FGL1: variants seen among roughly 807,000 people sequenced by gnomAD.
FGL1 encodes fibrinogen like 1.
In FGL1, 59 loss-of-function variants were observed where a neutral mutation model predicts 43.7. The observed-to-expected ratio is 1.35, with a 90% confidence interval of 1.10 to 1.68. The LOEUF is 1.68. Ranked by LOEUF, FGL1 falls within the 40% of genes most tolerant of loss-of-function variation. The pLI, the probability that FGL1 is intolerant of heterozygous loss-of-function variation, is 0.00. For synonymous variants in FGL1, 192 were observed against 126.5 expected (o/e 1.52, Z -3.48); for missense variants, 596 against 373.0 (o/e 1.60, Z -4.92).
intron 7 of FGL1, among the ~76,000 whole-genome samples, chr8:17,867,229 A>G (rs745894498): frequency 2.6e-5 from 4 of 152,212 alleles, no homozygotes; most frequent in Non-Finnish European, 5.9e-5. Flanking sequence ...TTTCAGTCTG[A>G]TAACCGAAAC....
rs34221094 is a variant in FGL1, at chr8:17,879,574, G to A, written c.244+2425C>T. 2.4e-3 allele frequency among the ~76,000 whole-genome samples: 367 copies of A among 152,028 alleles called. 2 individuals are homozygous for A. Among genetic ancestry groups the A allele is most frequent in the African/African-American group, 8.4e-3 (349 of 41,496 alleles). Reference sequence around the variant, plus strand: ...GAGATCTGGTTTTTGAAACAGTGTCGCACCTCCTCCCTCTCTTTCTCCTGT... The same window carrying A: ...GAGATCTGGTTTTTGAAACAGTGTCACACCTCCTCCCTCTCTTTCTCCTGT... On this transcript the variant is annotated intron_variant, in intron 3 of 7. Coordinates refer to ENST00000427924, the MANE Select transcript of FGL1 (RefSeq NM_004467.4).
At position 17,885,565 on chromosome 8, in the gene FGL1, G is replaced by C. The variant is rs1563459989; in HGVS notation, c.-11C>G. 2 of 1,612,348 alleles carry C rather than the reference G, an allele frequency of 1.2e-6. No individual in the cohort carries two copies. The highest frequency in any genetic ancestry group is 2.2e-5 in the East Asian group (1 of 44,832). ...GAACACCTTTGCCATGTTCCCCCTTGAAAAAACTGCAAGAACAAAAAGAAT... is the reference window on the plus strand; with the variant it reads ...GAACACCTTTGCCATGTTCCCCCTTCAAAAAACTGCAAGAACAAAAAGAAT... On this transcript the variant is annotated 5_prime_UTR_variant, in exon 2 of 8. Transcript: ENST00000427924.
chr8:17,885,590 T>C lies in FGL1; in HGVS notation c.-17-19A>G, dbSNP rs191917407. 10 of 1,606,624 alleles carry C rather than the reference T, an allele frequency of 6.2e-6. No individual in the cohort carries two copies. In the East Asian group the frequency reaches 2.0e-4, roughly 32 times the overall value. The stretch of plus-strand genomic sequence containing the variant: ...GAAAAAACTGCAAGAACAAAAAGAA[T>C]TTTATAAATGTATCAACCTTGAATT... On this transcript the variant is annotated intron_variant, in intron 1 of 7. Coordinates refer to ENST00000427924, the MANE Select transcript of FGL1 (RefSeq NM_004467.4).
At chr8:17,870,260 C>T (rs537522483) in intron 5 of FGL1, among the ~76,000 whole-genome samples, 1 of 151,976 alleles carries the variant, frequency 6.6e-6, no homozygotes, top group African/African-American at 2.4e-5. Context: ...GATATAAGAG[C>T]ATTATGTTTT....
Position 17,872,890 on chromosome 8 carries a change from T to C in FGL1, c.502+1129A>G, listed in dbSNP as rs34298760. Among the ~76,000 whole-genome samples the C allele has an allele frequency of 6.3e-3, 956 of 152,286 alleles. 11 individuals are homozygous for C. Among genetic ancestry groups the C allele is most frequent in the African/African-American group, 0.022 (924 of 41,558 alleles). On this transcript the variant is annotated intron_variant, in intron 5 of 7. Transcript: ENST00000427924. ...TCTGCTATTTACTTTGAAATATATA[T>C]ACAGAAAAGATGGATTGATGGACGG...
intron 3 of FGL1, among the ~76,000 whole-genome samples, chr8:17,875,533 T>TTCTTTCTCTC (rs1208572003): frequency 2.5e-4 from 3 of 11,846 alleles, no homozygotes; most frequent in Admixed American, 7.1e-4. Flanking sequence ...CTTTCTTTCT[T>TTCTTTCTCTC]TCTCTTTCTT....
rs779881425 is a variant in FGL1 at position 17,864,606 on chromosome 8, G to C, written c.925C>G (p.Pro309Ala). 3 of 1,606,934 alleles carry C rather than the reference G, an allele frequency of 1.9e-6. No homozygotes were observed. Among genetic ancestry groups the C allele is most frequent in the East Asian group, 4.5e-5 (2 of 44,834 alleles). ...VMKIRPNDFI[P>A]NVI The stretch of plus-strand genomic sequence containing the variant: ...AACAGCAGCAATTAAATTACATTTG[G>C]AATAAAATCATTTGGCCTAATTTTC... The change falls in exon 8 of 8, where the codon CCA becomes GCA. Residue 309 changes from proline to alanine, a missense_variant. Pro to Ala is a conservative substitution (Grantham distance 27, BLOSUM62 -1). Transcript: ENST00000427924.
intron 5 of FGL1, among the ~76,000 whole-genome samples, chr8:17,873,395 C>G (rs771306586): frequency 2.3e-4 from 35 of 152,178 alleles, no homozygotes; most frequent in Admixed American, 6.6e-4. Flanking sequence ...GCAGCAACTT[C>G]AGTGAGGAAG....
intron 3 of FGL1, 88 bp downstream of exon 3, chr8:17,881,911 T>C: frequency 1.9e-6 from 2 of 1,076,856 alleles, no homozygotes; most frequent in East Asian, 2.5e-5. Context: ...GTTACTGAAA[T>C]AGGAAAAGCC....
At chr8:17,883,941 C>CCCTT (rs200437210) in intron 2 of FGL1, among the ~76,000 whole-genome samples, 12 of 144,682 alleles carry the variant, frequency 8.3e-5, no homozygotes, top group Non-Finnish European at 1.8e-4. Flanking sequence ...CTCCTTCCCT[C>CCCTT]CCTTCCTTCC....
intron 5 of FGL1, among the ~76,000 whole-genome samples, chr8:17,872,657 G>C (rs769873144): frequency 6.6e-6 from 1 of 152,084 alleles, no homozygotes; most frequent in Non-Finnish European, 1.5e-5. Context: ...GGGCATTACA[G>C]TTGCCTTTTA....
chr8:17,868,489 A>C, intron 7 of FGL1, 59 bp downstream of exon 7: 6 of 1,259,356 alleles, frequency 4.8e-6, no homozygotes, highest in Non-Finnish European at 6.5e-6. Flanking sequence ...ATTGATAATT[A>C]ATGTCTATCA....
rs189266862 is a variant in FGL1, at chr8:17,865,223, A to G, written c.780-472T>C. Among the ~76,000 whole-genome samples the G allele has an allele frequency of 4.6e-5, 7 of 152,320 alleles. No homozygotes were observed. The East Asian group carries it at 1.2e-3, about 25-fold the overall frequency. On this transcript the variant is annotated intron_variant, in intron 7 of 7. Transcript: ENST00000427924. ...TTAAACAAAAAATTAAAACAAGCAA[A>G]CAAAAACGCATCCTTGTAACCTCCA...
intron 1 of FGL1, among the ~76,000 whole-genome samples, chr8:17,894,932 T>C (rs11778041): frequency 6.9e-6 from 1 of 144,754 alleles, no homozygotes; most frequent in East Asian, 1.9e-4. Flanking sequence ...ATATAAGGTA[T>C]ATAAATATTG....
chr8:17,881,186 G>T (rs2053530226), intron 3 of FGL1, among the ~76,000 whole-genome samples: 1 of 147,750 alleles, frequency 6.8e-6, no homozygotes, highest in Admixed American at 6.7e-5. Flanking sequence ...GCCCAGGCTG[G>T]AGTGCAGTGG....
intron 2 of FGL1, chr8:17,882,692 T>C (rs1322276053): frequency 8.1e-6 from 1 of 123,814 alleles, no homozygotes; most frequent in Non-Finnish European, 1.6e-5. Flanking sequence ...TAAATATGTA[T>C]ATTTAATGTA....
intron 3 of FGL1, among the ~76,000 whole-genome samples, chr8:17,879,951 T>C (rs1231436236): frequency 6.6e-6 from 1 of 152,164 alleles, no homozygotes; most frequent in Non-Finnish European, 1.5e-5. Context: ...TGGTTTGAAA[T>C]TTGGAGTAAT....
intron 2 of FGL1, among the ~76,000 whole-genome samples, chr8:17,883,538 T>C (rs2053582132): frequency 7.3e-6 from 1 of 137,144 alleles, no homozygotes; most frequent in Non-Finnish European, 1.5e-5. Context: ...TTGTATTTAT[T>C]ATATTATAGT....
At chr8:17,885,262 T>G (rs775305224) in intron 2 of FGL1, among the ~76,000 whole-genome samples, 22 of 151,964 alleles carry the variant, frequency 1.4e-4, no homozygotes, top group Admixed American at 4.6e-4. Context: ...CCAGGCTGGT[T>G]GCGAACTCCT....
Sources: gnomAD v4.1 joint callset for allele counts (sites outside exome capture counted in the v4.1 genomes callset) on GRCh38, gnomAD v4.1.1 for gene constraint, MANE v1.5 for transcripts, NCBI Gene and HGNC (gene_info 2026-07-23, HGNC 2026-07-21) for gene names.